The following FDFT1 variants were observed in gnomAD, a reference collection of about 807,000 sequenced individuals.
The protein encoded by FDFT1 is farnesyl-diphosphate farnesyltransferase 1, also known as squalene synthase.
FDFT1 carries 68 observed loss-of-function variants against 46.8 expected under a neutral mutation model. The observed-to-expected ratio is 1.45, with a 90% CI of 1.19 to 1.78. FDFT1 has a LOEUF of 1.78. FDFT1 is among the 40% of genes most tolerant of loss of function. The pLI, the probability that FDFT1 is intolerant of heterozygous loss-of-function variation, is 0.00. For synonymous variants in FDFT1, 351 were observed against 185.1 expected, an observed-to-expected ratio of 1.90 and a Z score of -7.28; for missense variants, 928 against 524.4, an observed-to-expected ratio of 1.77 and a Z score of -7.52.
rs1563306444 is a variant in FDFT1, at chr8:11,811,451, GT to G, written c.381+1602del. 4.0e-4 allele frequency among the ~76,000 whole-genome samples: 61 copies of G among 152,334 alleles called. No homozygotes were observed. The East Asian group carries it at 9.1e-3, about 23-fold the overall frequency. ...GGATAAATGTGTTAGGTATTGCTAA[GT>G]CAAGGCAGCCCTATCCCCTCAGCAG... On this transcript the variant is annotated intron_variant, in intron 3 of 7. Coordinates refer to ENST00000220584, the MANE Select transcript of FDFT1 (RefSeq NM_004462.5).
At chr8:11,827,571 C>T (rs537064213) in intron 5 of FDFT1, among the ~76,000 whole-genome samples, 1 of 150,714 alleles carries the variant, frequency 6.6e-6, no homozygotes, top group African/African-American at 2.4e-5. Context: ...AGAGCAGATA[C>T]AGGGTTCATA....
chr8:11,808,906 C>T lies in FDFT1; in HGVS notation c.197+15C>T, dbSNP rs768673810. 3 of 1,611,054 alleles carry T rather than the reference C, an allele frequency of 1.9e-6. No homozygotes were observed. The East Asian group carries it at 6.7e-5, about 36-fold the overall frequency. ...GGGGAAATGCGGTGAGTGATGGAGG[C>T]AGCGCCTCTGGCTTGGAGGAAAGCT... On this transcript the variant is annotated intron_variant, in intron 2 of 7. Coordinates refer to ENST00000220584, the MANE Select transcript of FDFT1 (RefSeq NM_004462.5).
rs1443532387 is a variant in FDFT1, at chr8:11,802,917, C to A, written c.85C>A (p.Pro29Thr). Residue 29 changes from proline to threonine, a missense_variant, in exon 1 of 8, where the codon CCC becomes ACC. Physicochemically the swap from Pro to Thr is conservative, Grantham distance 38. Coordinates refer to ENST00000220584, the MANE Select transcript of FDFT1 (RefSeq NM_004462.5). The part of the protein sequence containing the change: ...FRIGGKRKVM[P>T]KMDQDSLSSS... ...GATCGGGGGCAAGCGGAAGGTGATGCCCAAGATGGACCAGGTGGGCCGAGC... is the reference window on the plus strand; with the variant it reads ...GATCGGGGGCAAGCGGAAGGTGATGACCAAGATGGACCAGGTGGGCCGAGC... 1 of 1,609,386 alleles carries A rather than the reference C, an allele frequency of 6.2e-7. No homozygotes were observed.
At chr8:11,820,447 C>T (rs1193745755) in intron 3 of FDFT1, among the ~76,000 whole-genome samples, 4 of 151,626 alleles carry the variant, frequency 2.6e-5, no homozygotes, top group Admixed American at 6.6e-5. Flanking sequence ...ATATGCCCTG[C>T]CCCCAGAGAT....
At chr8:11,795,637 A>G (rs923020467) in exon 1 of FDFT1, 3 of 151,590 alleles carry the variant, frequency 2.0e-5, no homozygotes, top group Non-Finnish European at 4.4e-5. Flanking sequence ...TTTGCAATAA[A>G]TTTTAATACT....
Position 11,831,558 on chromosome 8 carries a change from A to AAAGGG in FDFT1, c.920_921insAAGGG (p.Gln308ArgfsTer9), listed in dbSNP as rs767726957. On this transcript the variant is annotated frameshift_variant, in exon 7 of 8. Coordinates refer to ENST00000220584, the MANE Select transcript of FDFT1 (RefSeq NM_004462.5). LOFTEE classifies it high-confidence loss of function. ...ACTTTGGCTGCCTGTTATAATAACC[A>AAAGGG]GCAGGTGTTCAAAGGGGCAGTGAAG... The AAAGGG allele has an allele frequency of 1.2e-6, 2 of 1,614,104 alleles. No homozygotes were observed. The highest frequency in any genetic ancestry group is 2.2e-5 in the South Asian group (2 of 91,084).
At chr8:11,796,442 C>T (rs949372225) in intron 1 of FDFT1, among the ~76,000 whole-genome samples, 3 of 152,174 alleles carry the variant, frequency 2.0e-5, no homozygotes, top group East Asian at 1.9e-4. Flanking sequence ...GGTAGAAGTA[C>T]TGAGGTCTGT....
chr8:11,821,517 G>T (rs904044604), intron 3 of FDFT1, among the ~76,000 whole-genome samples: 21 of 152,172 alleles, frequency 1.4e-4, no homozygotes, highest in African/African-American at 5.1e-4. Flanking sequence ...TTTGAACCTG[G>T]GAGGCGGAGT....
Position 11,831,888 on chromosome 8 carries a change from T to C in FDFT1, c.1032+218T>C, listed in dbSNP as rs537917071. ...TAGTACCCTGGTGAGAGGAGATAAA[T>C]GGAGCAAGGCTGTAGGTTGGAGCCC... On this transcript the variant is annotated intron_variant, in intron 7 of 7. Coordinates refer to ENST00000220584, the MANE Select transcript of FDFT1 (RefSeq NM_004462.5). The C allele has an allele frequency of 2.2e-4, 107 of 487,794 alleles. 2 individuals carry two copies. In the South Asian group the frequency reaches 3.2e-3, roughly 14 times the overall value. The allele number at this position is 487,794 out of a possible 1,614,324, so 30.2% of individuals were successfully genotyped here.
rs1472923437 is a variant in FDFT1 at position 11,802,881 on chromosome 8, G to A, written c.49G>A (p.Val17Met). The change falls in exon 1 of 8, where the codon GTG becomes ATG. Residue 17 changes from valine to methionine, a missense_variant. By Grantham distance (21) the Val-to-Met change is conservative (BLOSUM62 1). Transcript: ENST00000220584. ...LGHPEEFYNL[V>M]RFRIGGKRKV... ...CCACCCCGAAGAGTTCTACAACCTG[G>A]TGCGCTTCCGGATCGGGGGCAAGCG... 1.2e-6 allele frequency: 2 copies of A among 1,612,238 alleles called. No homozygotes were observed. The highest frequency in any genetic ancestry group is 1.7e-6 in the Non-Finnish European group (2 of 1,179,164).
At chr8:11,819,561 C>T (rs568071160) in intron 3 of FDFT1, among the ~76,000 whole-genome samples, 4 of 152,010 alleles carry the variant, frequency 2.6e-5, no homozygotes, top group African/African-American at 9.7e-5. Flanking sequence ...TCTTTTTTCT[C>T]TAATCTTGTC....
chr8:11,796,026 T>C (rs778959342), intron 1 of FDFT1: 12 of 152,230 alleles, frequency 7.9e-5, no homozygotes, highest in Admixed American at 2.0e-4. Context: ...AAGATTGGTT[T>C]AGTTCATGAG....
At chr8:11,807,665 C>G (rs1302769043) in intron 1 of FDFT1, among the ~76,000 whole-genome samples, 2 of 152,210 alleles carry the variant, frequency 1.3e-5, no homozygotes, top group Non-Finnish European at 2.9e-5. Context: ...CAGGCTTTTT[C>G]TCCCTTTTGG....
At position 11,808,900 on chromosome 8, in the gene FDFT1, T is replaced by G. The variant is rs781580185; in HGVS notation, c.197+9T>G. The stretch of plus-strand genomic sequence containing the variant: ...CTGGATGGGGAAATGCGGTGAGTGA[T>G]GGAGGCAGCGCCTCTGGCTTGGAGG... On this transcript the variant is annotated intron_variant, in intron 2 of 7. Coordinates refer to ENST00000220584, the MANE Select transcript of FDFT1 (RefSeq NM_004462.5). 2 of 1,612,408 alleles carry G rather than the reference T, an allele frequency of 1.2e-6. No individual in the cohort carries two copies. Among genetic ancestry groups the G allele is most frequent in the South Asian group, 2.2e-5 (2 of 90,586 alleles).
intron 7 of FDFT1, 174 bp downstream of exon 7, chr8:11,831,844 C>T (rs952353967): frequency 1.6e-6 from 1 of 608,752 alleles, no homozygotes; most frequent in East Asian, 2.8e-5. Context: ...AGGAGCCGAG[C>T]AGATTGCTCA....
intron 3 of FDFT1, among the ~76,000 whole-genome samples, chr8:11,816,623 T>G (rs916508397): frequency 1.3e-5 from 2 of 152,212 alleles, no homozygotes; most frequent in African/African-American, 4.8e-5. Context: ...GTATTCTCTT[T>G]GTAGCTATTG....
chr8:11,823,943 A>G (rs56130098), intron 4 of FDFT1, among the ~76,000 whole-genome samples: 2 of 151,988 alleles, frequency 1.3e-5, no homozygotes, highest in African/African-American at 4.8e-5. Flanking sequence ...ACAGGGTTTC[A>G]TCGTGTTGCC....
intron 4 of FDFT1, 103 bp downstream of exon 4, chr8:11,821,981 C>A: frequency 1.4e-6 from 2 of 1,387,146 alleles, no homozygotes; most frequent in Non-Finnish European, 2.0e-6. Flanking sequence ...TTTTCAGCCC[C>A]TCTGGTTTTA....
chr8:11,830,452 G>A, intron 6 of FDFT1, 32 bp downstream of exon 6: 5 of 1,502,448 alleles, frequency 3.3e-6, no homozygotes, highest in Non-Finnish European at 4.6e-6. Context: ...GGTGGATACG[G>A]GGCTAAAGGG....
Sources: allele counts gnomAD v4.1 joint callset (sites outside exome capture counted in the v4.1 genomes callset), GRCh38; gene constraint gnomAD v4.1.1; transcripts MANE v1.5; gene names NCBI Gene and HGNC (gene_info 2026-07-23, HGNC 2026-07-21).